The following CHD7 variants were observed in gnomAD, a reference collection of about 807,000 sequenced individuals.
CHD7 encodes ATP-dependent chromatin remodeler CHD7.
Under a neutral mutation model 307.3 loss-of-function variants are expected in CHD7, and 24 were observed. That is an observed-to-expected ratio of 0.08 (90% CI 0.06 to 0.11). CHD7 has a LOEUF of 0.11. Among genes scored for constraint, CHD7 ranks in the 10% least tolerant of loss-of-function variants. CHD7 has a pLI of 1.00. For synonymous variants in CHD7, 1,363 were observed against 1,349.9 expected (o/e 1.01, Z -0.21); for missense variants, 3,106 against 3,727.1 (o/e 0.83, Z 4.34).
intron 2 of CHD7, among the ~76,000 whole-genome samples, chr8:60,764,622 C>A (rs1190047417): frequency 1.3e-5 from 2 of 152,138 alleles, no homozygotes; most frequent in African/African-American, 2.4e-5. Flanking sequence ...ATCTATTCAG[C>A]CATTCATTCA....
chr8:60,764,103 T>G (rs1424519221), intron 2 of CHD7, among the ~76,000 whole-genome samples: 2 of 152,194 alleles, frequency 1.3e-5, no homozygotes, highest in Non-Finnish European at 2.9e-5. Context: ...TTCTCCCGCC[T>G]AAGCCTCCCG....
chr8:60,857,285 A>G (rs1325310476), intron 34 of CHD7, among the ~76,000 whole-genome samples: 1 of 152,234 alleles, frequency 6.6e-6, no homozygotes, highest in African/African-American at 2.4e-5. Context: ...TTGGGTTAAC[A>G]TAAAAAGCTA....
chr8:60,786,407 G>A (rs1199187856), intron 3 of CHD7, among the ~76,000 whole-genome samples: 2 of 152,230 alleles, frequency 1.3e-5, no homozygotes, highest in African/African-American at 4.8e-5. Flanking sequence ...CCAACTCATG[G>A]TCTGTGCCAG....
At chr8:60,754,682 C>T (rs936578966) in intron 2 of CHD7, among the ~76,000 whole-genome samples, 3 of 152,210 alleles carry the variant, frequency 2.0e-5, no homozygotes, top group African/African-American at 7.2e-5. Flanking sequence ...GGAAATATTA[C>T]TGTATATAAA....
intron 4 of CHD7, 40 bp from the exon 5 acceptor site, chr8:60,800,348 T>C: frequency 1.3e-6 from 2 of 1,599,134 alleles, no homozygotes; most frequent in Non-Finnish European, 1.7e-6. Context: ...TTCTTTTTAA[T>C]CATTAATTTC....
rs762730711 is a variant in CHD7, at chr8:60,854,529, C to T, written c.6936+6C>T. On this transcript the variant is annotated splice_donor_region_variant and intron_variant, in intron 32 of 37. Coordinates refer to ENST00000423902, the MANE Select transcript of CHD7 (RefSeq NM_017780.4). ...CCTTCTCGTTTTGGCCTAAGGTTGG[C>T]AGGTTTTTGTTGCTGTTGTTTTGCT... is the stretch of plus-strand genomic sequence containing the variant. The T allele has an allele frequency of 2.7e-5, 43 of 1,581,614 alleles. No homozygotes were observed. The highest frequency in any genetic ancestry group is 3.7e-5 in the Non-Finnish European group (43 of 1,158,288).
chr8:60,864,087 A>AAT (rs1284323395), intron 37 of CHD7: 2 of 151,400 alleles, frequency 1.3e-5, no homozygotes, highest in African/African-American at 4.9e-5. Flanking sequence ...TGATGAATCA[A>AAT]ATATATATGC....
chr8:60,730,340 C>G (rs1351674292), intron 1 of CHD7, among the ~76,000 whole-genome samples: 1 of 152,080 alleles, frequency 6.6e-6, no homozygotes, highest in Non-Finnish European at 1.5e-5. Context: ...AAAACTTTGT[C>G]TTTTATCATA....
At chr8:60,730,839 G>A (rs1472288451) in intron 1 of CHD7, among the ~76,000 whole-genome samples, 2 of 149,934 alleles carry the variant, frequency 1.3e-5, no homozygotes, top group Admixed American at 7.2e-5. Flanking sequence ...CAGCCTGGGC[G>A]ACAGAGCGAG....
Position 60,719,651 on chromosome 8 carries a change from G to A in CHD7, c.-174-21608G>A, listed in dbSNP as rs371225851. 2.0e-4 allele frequency among the ~76,000 whole-genome samples: 30 copies of A among 152,272 alleles called. 1 individual carries two copies. In the East Asian group the frequency reaches 4.1e-3, roughly 21 times the overall value. On this transcript the variant is annotated intron_variant, in intron 1 of 37. Coordinates refer to ENST00000423902, the MANE Select transcript of CHD7 (RefSeq NM_017780.4). ...AGTGTACAAAGCACATTCTGCACCT[G>A]CCCTCAGGGAGCTCCAGCACTGGGG...
intron 1 of CHD7, among the ~76,000 whole-genome samples, chr8:60,713,013 GC>G (rs1283491816): frequency 1.5e-5 from 2 of 136,074 alleles, no homozygotes; most frequent in Non-Finnish European, 3.1e-5. Context: ...TTGCGCCACT[GC>G]ACTCCAGCCT....
At chr8:60,828,538 G>C in intron 13 of CHD7, 125 bp from the exon 14 acceptor site, 1 of 848,502 alleles carries the variant, frequency 1.2e-6, no homozygotes, top group Non-Finnish European at 1.8e-6. Flanking sequence ...TTTCATGCCT[G>C]ATTCCTATAC....
At chr8:60,833,481 A>G (rs1225521075) in intron 15 of CHD7, among the ~76,000 whole-genome samples, 1 of 152,230 alleles carries the variant, frequency 6.6e-6, no homozygotes, top group East Asian at 1.9e-4. Context: ...GGCTTACGTG[A>G]TGGAGTGAAT....
intron 35 of CHD7, 38 bp from the exon 36 acceptor site, chr8:60,862,157 TA>T: frequency 6.4e-7 from 1 of 1,554,034 alleles, no homozygotes; most frequent in Non-Finnish European, 8.7e-7. Flanking sequence ...GAATAAGTAC[TA>T]AATACCAATT....
At chr8:60,761,330 T>TG (rs1810190536) in intron 2 of CHD7, among the ~76,000 whole-genome samples, 1 of 108,658 alleles carries the variant, frequency 9.2e-6, no homozygotes, top group Non-Finnish European at 1.7e-5. Flanking sequence ...CATCACACTC[T>TG]GGGGACTGTT....
intron 1 of CHD7, among the ~76,000 whole-genome samples, chr8:60,693,807 G>A (rs1452221136): frequency 1.3e-5 from 2 of 152,232 alleles, no homozygotes. Context: ...TGTTATATCC[G>A]AGGGAAAGTG....
At chr8:60,810,302 G>A (rs1358797185) in intron 7 of CHD7, among the ~76,000 whole-genome samples, 1 of 151,926 alleles carries the variant, frequency 6.6e-6, no homozygotes, top group East Asian at 1.9e-4. Flanking sequence ...CCAAGATTGG[G>A]GCTTTAGGTG....
intron 2 of CHD7, among the ~76,000 whole-genome samples, chr8:60,748,970 ATTTTT>A (rs1216748648): frequency 0.027 from 3,687 of 137,244 alleles, 104 homozygotes; most frequent in African/African-American, 0.063. Flanking sequence ...CAGTGGTACA[ATTTTT>A]TTTTTTTTTT....
At chr8:60,836,782 C>T (rs760694564) in intron 16 of CHD7, 35 bp from the exon 17 acceptor site, 43 of 1,527,132 alleles carry the variant, frequency 2.8e-5, no homozygotes, top group Admixed American at 8.7e-5. Context: ...TGTCGCTATG[C>T]GTCAGGCCTC....
Sources: allele counts gnomAD v4.1 joint callset (sites outside exome capture counted in the v4.1 genomes callset), GRCh38; gene constraint gnomAD v4.1.1; transcripts MANE v1.5; gene names NCBI Gene and HGNC (gene_info 2026-07-23, HGNC 2026-07-21).